Variants in NFATC3 observed in about 807,000 individuals in gnomAD.
NFATC3 encodes the protein nuclear factor of activated T-cells, cytoplasmic 3.
NFATC3 carries 46 observed loss-of-function variants against 98.6 expected under a neutral mutation model. The ratio of observed to expected loss-of-function variants is 0.47; its 90% CI spans 0.37 to 0.60. NFATC3 has a LOEUF of 0.60. Ranked by LOEUF, NFATC3 falls within the 20% of genes least tolerant of loss-of-function variation. The pLI, the probability that NFATC3 is intolerant of heterozygous loss-of-function variation, is 0.00. For synonymous variants in NFATC3, 512 were observed against 472.2 expected, an observed-to-expected ratio of 1.08 and a Z score of -1.09; for missense variants, 1,256 against 1,295.5, an observed-to-expected ratio of 0.97 and a Z score of 0.47.
chr16:68,156,547 A>G (rs946192065), intron 3 of NFATC3, among the ~76,000 whole-genome samples: 2 of 152,226 alleles, frequency 1.3e-5, no homozygotes, highest in African/African-American at 4.8e-5. Context: ...AATCTGTGTA[A>G]TTTACTACAT....
chr16:68,126,758 C>T, intron 3 of NFATC3, 148 bp downstream of exon 3: 2 of 637,230 alleles, frequency 3.1e-6, no homozygotes, highest in South Asian at 3.3e-5. Flanking sequence ...GATGTGACTA[C>T]ACTTGTGCAT....
intron 1 of NFATC3, chr16:68,086,021 C>A: frequency 2.4e-6 from 1 of 415,148 alleles, no homozygotes; most frequent in South Asian, 4.5e-5. Context: ...AACTCGACTC[C>A]GGGACGATCG....
At chr16:68,132,720 A>T (rs1050073849) in intron 3 of NFATC3, among the ~76,000 whole-genome samples, 1 of 152,264 alleles carries the variant, frequency 6.6e-6, no homozygotes, top group East Asian at 1.9e-4. Context: ...TTGTGGCAAC[A>T]TGGATGAACC....
chr16:68,138,039 A>T (rs932627732), intron 3 of NFATC3, among the ~76,000 whole-genome samples: 46 of 151,312 alleles, frequency 3.0e-4, no homozygotes, highest in Non-Finnish European at 4.9e-4. Context: ...TTAAAAAAAA[A>T]TTTTTTTTTC....
chr16:68,180,153 G>A (rs995507276), intron 6 of NFATC3, among the ~76,000 whole-genome samples: 1 of 152,162 alleles, frequency 6.6e-6, no homozygotes, highest in African/African-American at 2.4e-5. Flanking sequence ...CAGAGACCAT[G>A]AAGTCTAAAA....
chr16:68,191,698 T>G lies in NFATC3; in HGVS notation c.3029T>G (p.Val1010Gly). 1 of 1,614,140 alleles carries G rather than the reference T, an allele frequency of 6.2e-7. No individual in the cohort carries two copies. The highest frequency in any genetic ancestry group is 8.5e-7 in the Non-Finnish European group (1 of 1,180,020). ...PASFPPDGATVSIKPEPEDRE... is the reference protein window; with the variant it reads ...PASFPPDGATGSIKPEPEDRE... ...TCATTTCCACCTGATGGGGCAACTG[T>G]GAGCATTAAACCTGAACCAGAAGAT... Residue 1010 changes from valine to glycine, a missense_variant, in exon 9 of 10, where the codon GTG (valine) becomes GGG (glycine). Val to Gly is a moderately radical substitution (Grantham distance 109, BLOSUM62 -3). Around this residue, in one of 3 missense-constraint regions of NFATC3, gnomAD observed 636 missense variants for 617.3 expected, o/e 1.03. Coordinates refer to ENST00000346183, the MANE Select transcript of NFATC3 (RefSeq NM_173165.3).
rs1052300259 is a variant in NFATC3 at position 68,227,785 on chromosome 16, G to A, written c.*1314G>A. 9.3e-5 allele frequency: 14 copies of A among 151,314 alleles called. No individual in the cohort carries two copies. Among genetic ancestry groups the A allele is most frequent in the Admixed American group, 9.2e-4 (14 of 15,222 alleles). 9.4% of individuals were successfully genotyped at this position (151,314 alleles called of 1,614,324 possible). Reference sequence around the variant, plus strand: ...CTGCTGTCTACCAAAGGAGGTACCCGAGTTGGGTACTTTAAAAAAAAAAAA... The same window carrying A: ...CTGCTGTCTACCAAAGGAGGTACCCAAGTTGGGTACTTTAAAAAAAAAAAA... On this transcript the variant is annotated 3_prime_UTR_variant, in exon 10 of 10. Coordinates refer to ENST00000346183, the MANE Select transcript of NFATC3 (RefSeq NM_173165.3).
chr16:68,218,729 C>T (rs1245848941), intron 9 of NFATC3, among the ~76,000 whole-genome samples: 1 of 150,864 alleles, frequency 6.6e-6, no homozygotes, highest in Non-Finnish European at 1.5e-5. Context: ...CCTGCCGCCA[C>T]GCCCAGCTAA....
At position 68,191,727 on chromosome 16, in the gene NFATC3, G is replaced by C. The variant is rs751676392; in HGVS notation, c.3058G>C (p.Glu1020Gln). 1.2e-6 allele frequency: 2 copies of C among 1,614,110 alleles called. No individual in the cohort carries two copies. Among genetic ancestry groups the C allele is most frequent in the Admixed American group, 3.3e-5 (2 of 60,006 alleles). The change falls in exon 9 of 10, where the codon GAG (glutamate) becomes CAG (glutamine). Residue 1020 changes from glutamate (E) to glutamine (Q), a missense_variant. Glu to Gln is a conservative substitution (Grantham distance 29). Transcript: ENST00000346183. The part of the protein sequence containing the change: ...VSIKPEPEDR[E>Q]PNFATIGLQD... Reference sequence around the variant, plus strand: ...CATTAAACCTGAACCAGAAGATCGAGAGCCTAACTTTGCAACCATTGGTCT... The same window carrying C: ...CATTAAACCTGAACCAGAAGATCGACAGCCTAACTTTGCAACCATTGGTCT...
intron 3 of NFATC3, among the ~76,000 whole-genome samples, chr16:68,152,504 C>A (rs910136269): frequency 5.9e-5 from 9 of 152,008 alleles, no homozygotes; most frequent in Non-Finnish European, 8.8e-5. Context: ...AAAATGGGCC[C>A]TACACCTGGT....
chr16:68,139,979 A>G (rs1006737934), intron 3 of NFATC3, among the ~76,000 whole-genome samples: 1 of 152,016 alleles, frequency 6.6e-6, no homozygotes, highest in African/African-American at 2.4e-5. Context: ...AAGAAGAGGG[A>G]TTTTTATTTT....
intron 6 of NFATC3, among the ~76,000 whole-genome samples, chr16:68,176,124 C>T (rs1451200302): frequency 6.6e-6 from 1 of 152,006 alleles, no homozygotes; most frequent in Admixed American, 6.6e-5. Flanking sequence ...ATTACAGGCG[C>T]CCACCACCAT....
intron 8 of NFATC3, among the ~76,000 whole-genome samples, chr16:68,187,481 A>G (rs1349502243): frequency 6.6e-6 from 1 of 152,166 alleles, no homozygotes; most frequent in Non-Finnish European, 1.5e-5. Flanking sequence ...GGTGAGCGGG[A>G]TGAAGAGGAG....
chr16:68,210,913 C>G (rs1217920564), intron 9 of NFATC3, among the ~76,000 whole-genome samples: 1 of 152,044 alleles, frequency 6.6e-6, no homozygotes, highest in African/African-American at 2.4e-5. Context: ...TCCCGAGTAG[C>G]TGGGACTACA....
At chr16:68,117,444 A>ATTTATTATTATTCT (rs1164504777) in intron 1 of NFATC3, among the ~76,000 whole-genome samples, 3 of 152,130 alleles carry the variant, frequency 2.0e-5, no homozygotes, top group Non-Finnish European at 4.4e-5. Context: ...GAGCACCCCT[A>ATTTATTATTATTCT]GCTCTCATTA....
At chr16:68,211,278 C>G (rs1360786630) in intron 9 of NFATC3, among the ~76,000 whole-genome samples, 3 of 152,096 alleles carry the variant, frequency 2.0e-5, no homozygotes, top group Non-Finnish European at 4.4e-5. Flanking sequence ...ACCTCCACCT[C>G]CCGGGTTCAC....
intron 3 of NFATC3, among the ~76,000 whole-genome samples, chr16:68,130,932 C>T (rs1465087642): frequency 6.6e-6 from 1 of 152,068 alleles, no homozygotes; most frequent in Non-Finnish European, 1.5e-5. Context: ...CTTATTAGCA[C>T]CTTTGTCGAA....
chr16:68,221,631 A>C, intron 9 of NFATC3: 1 of 1,022,908 alleles, frequency 9.8e-7, no homozygotes, highest in Non-Finnish European at 1.2e-6. Context: ...CTGCTGGTGA[A>C]TTCATAAATA....
chr16:68,112,720 G>T (rs1198781623), intron 1 of NFATC3, among the ~76,000 whole-genome samples: 2 of 142,796 alleles, frequency 1.4e-5, no homozygotes, highest in Non-Finnish European at 3.0e-5. Flanking sequence ...CTGCAGTGGC[G>T]CAATCTCGGC....
Sources: allele counts gnomAD v4.1 joint callset (sites outside exome capture counted in the v4.1 genomes callset), GRCh38; gene constraint gnomAD v4.1.1; regional missense constraint gnomAD v4.1.1; transcripts MANE v1.5; gene names NCBI Gene and HGNC (gene_info 2026-07-23, HGNC 2026-07-21).